ZNF585B: variants seen among roughly 807,000 people sequenced by gnomAD.
ZNF585B encodes the protein zinc finger protein 41-like protein.
A neutral mutation model predicts 14.0 loss-of-function variants in ZNF585B; 7 were observed. The ratio of observed to expected loss-of-function variants is 0.50; its 90% CI spans 0.28 to 0.94. The LOEUF (loss-of-function observed/expected upper bound fraction) is 0.94, where lower values mean the gene tolerates loss of function less well. ZNF585B is among the 40% of genes least tolerant of loss of function. ZNF585B has a pLI of 0.09. For synonymous variants in ZNF585B, 290 were observed against 317.3 expected (o/e 0.91, Z 0.91); for missense variants, 750 against 924.4 (o/e 0.81, Z 2.45).
At chr19:37,192,855 G>T (rs1164602434) in intron 2 of ZNF585B, among the ~76,000 whole-genome samples, 2 of 151,022 alleles carry the variant, frequency 1.3e-5, no homozygotes, top group African/African-American at 4.9e-5. Flanking sequence ...CACAATGAGG[G>T]CCGGGCACAG....
intron 1 of ZNF585B, among the ~76,000 whole-genome samples, chr19:37,208,360 T>G (rs1185352707): frequency 6.6e-6 from 1 of 152,140 alleles, no homozygotes. Flanking sequence ...TTAAAATAAT[T>G]TTCAGACTAT....
rs772334575 is a variant in ZNF585B at position 37,186,550 on chromosome 19, G to A, written c.987C>T (p.Thr329=). ...TATTGCTGAAGACCTTCCCATATTC[G>A]GTACATATATAGGGCTTCACTCTTG... The part of the protein sequence containing the change: ...VHTRVKPYIC[T]EYGKVFSNNS... The change falls in exon 5 of 5, where the codon ACC becomes ACT. Residue 329 remains threonine (T), a synonymous_variant. Coordinates refer to ENST00000532828, the MANE Select transcript of ZNF585B (RefSeq NM_152279.4). 14 of 1,613,918 alleles carry A rather than the reference G, an allele frequency of 8.7e-6. No homozygotes were observed. The highest frequency in any genetic ancestry group is 2.2e-5 in the East Asian group (1 of 44,886).
chr19:37,208,136 C>G lies in ZNF585B; in HGVS notation c.-143-882G>C, dbSNP rs1342826148. 4.6e-5 allele frequency among the ~76,000 whole-genome samples: 7 copies of G among 152,228 alleles called. 1 individual carries two copies. In the South Asian group the frequency reaches 1.2e-3, roughly 27 times the overall value. ...TACAGGCATGCGACACCACGCCCAGCTAATTTTTGTATTTTTAGTAGAGTC... is the reference window on the plus strand; with the variant it reads ...TACAGGCATGCGACACCACGCCCAGGTAATTTTTGTATTTTTAGTAGAGTC... On this transcript the variant is annotated intron_variant, in intron 1 of 4. Coordinates refer to ENST00000532828, the MANE Select transcript of ZNF585B (RefSeq NM_152279.4).
At chr19:37,196,954 G>A (rs1030237358) in intron 2 of ZNF585B, among the ~76,000 whole-genome samples, 2 of 152,122 alleles carry the variant, frequency 1.3e-5, no homozygotes, top group Non-Finnish European at 1.5e-5. Flanking sequence ...AAGGACAACT[G>A]TGCTTAGTAT....
rs890148390 is a variant in ZNF585B at position 37,191,394 on chromosome 19, G to T, written c.73-1244C>A. Among the ~76,000 whole-genome samples the T allele has an allele frequency of 8.5e-5, 13 of 152,234 alleles. No individual in the cohort carries two copies. The East Asian group carries it at 2.1e-3, about 25-fold the overall frequency. ...GCACTTTGGGAGGCCAAGGTAGGTA[G>T]ATCACCTGAGGTTTGGAGTTCGAGA... On this transcript the variant is annotated intron_variant, in intron 2 of 4. Coordinates refer to ENST00000532828, the MANE Select transcript of ZNF585B (RefSeq NM_152279.4).
In ZNF585B at chr19:37,185,606, C is replaced by T. The variant is rs781141589; in HGVS notation, c.1931G>A (p.Ser644Asn). The change falls in exon 5 of 5, where the codon AGT (serine) becomes AAT (asparagine). Residue 644 changes from serine to asparagine, a missense_variant. This residue lies in a region of ZNF585B where 233 missense variants were observed against 354.1 expected (regional missense o/e 0.66). Transcript: ENST00000532828. ...YVCAECGKAFSGRSNLSKHQK... is the reference protein window; with the variant it reads ...YVCAECGKAFNGRSNLSKHQK... ...GTGCTTACTGAGATTTGACCTGCCA[C>T]TAAAGGCTTTCCCACACTCGGCACA... 3.7e-6 allele frequency: 6 copies of T among 1,613,956 alleles called. No homozygotes were observed. Among genetic ancestry groups the T allele is most frequent in the Non-Finnish European group, 5.1e-6 (6 of 1,180,016 alleles).
At chr19:37,208,031 GAC>G (rs1972605104) in intron 1 of ZNF585B, among the ~76,000 whole-genome samples, 1 of 152,054 alleles carries the variant, frequency 6.6e-6, no homozygotes, top group African/African-American at 2.4e-5. Flanking sequence ...GGAGTGCAGT[GAC>G]ACAACCTCAT....
chr19:37,185,924 T>C lies in ZNF585B; in HGVS notation c.1613A>G (p.Asn538Ser). ...TCCAGTGTGAATTTTCTGATGTATA[T>C]TAAGATTTGACTTCTGAGTAAAGGC... The part of the protein sequence containing the change: ...GKAFTQKSNL[N>S]IHQKIHTGER... Residue 538 changes from asparagine (N) to serine (S), a missense_variant, in exon 5 of 5, where the codon AAT becomes AGT. Physicochemically the swap from Asn to Ser is conservative, Grantham distance 46. Coordinates refer to ENST00000532828, the MANE Select transcript of ZNF585B (RefSeq NM_152279.4). 1 of 1,614,052 alleles carries C rather than the reference T, an allele frequency of 6.2e-7. No homozygotes were observed. Among genetic ancestry groups the C allele is most frequent in the Non-Finnish European group, 8.5e-7 (1 of 1,180,014 alleles).
intron 2 of ZNF585B, among the ~76,000 whole-genome samples, chr19:37,202,639 G>GTTTTTT (rs1555779551): frequency 7.0e-6 from 1 of 142,174 alleles, no homozygotes; most frequent in African/African-American, 2.6e-5. Flanking sequence ...ATATTTGCAT[G>GTTTTTT]GTTTTTTTTT....
Position 37,198,070 on chromosome 19 carries a change from A to T in ZNF585B, c.73-7920T>A, listed in dbSNP as rs375828836. 6.6e-5 allele frequency among the ~76,000 whole-genome samples: 10 copies of T among 152,356 alleles called. No individual in the cohort carries two copies. The East Asian group carries it at 1.3e-3, about 21-fold the overall frequency. On this transcript the variant is annotated intron_variant, in intron 2 of 4. Transcript: ENST00000532828. ...TTAAATTTTGTATATGTTGAGATTT[A>T]GCTGACAGGATATATACGAGGGTGT...
Position 37,187,086 on chromosome 19 carries a change from CT to C in ZNF585B, c.450del (p.Val151PhefsTer31). The C allele has an allele frequency of 6.2e-7, 1 of 1,614,034 alleles. No individual in the cohort carries two copies. Among genetic ancestry groups the C allele is most frequent in the Non-Finnish European group, 8.5e-7 (1 of 1,179,996 alleles). On this transcript the variant is annotated frameshift_variant, in exon 5 of 5. Transcript: ENST00000532828. LOFTEE classifies it low-confidence loss of function (END_TRUNC). The part of the protein sequence containing the change: ...TWKSQFKVHL[K>X]VPTGEKLYVC... ...ACATAGAGTTTTTCTCCTGTAGGAA[CT>C]TTCAGATGTACCTTGAACTGTGACT... is the stretch of plus-strand genomic sequence containing the variant.
intron 4 of ZNF585B, 64 bp from the exon 5 acceptor site, chr19:37,187,308 C>T: frequency 8.1e-7 from 1 of 1,228,414 alleles, no homozygotes; most frequent in Non-Finnish European, 1.1e-6. Flanking sequence ...CTCTTCTTAA[C>T]ATTCTTTGAA....
chr19:37,187,356 G>T, intron 4 of ZNF585B, 112 bp from the exon 5 acceptor site: 1 of 787,174 alleles, frequency 1.3e-6, no homozygotes, highest in African/African-American at 2.2e-5. Flanking sequence ...TCTAAATTAT[G>T]CTTCAAGCCA....
At chr19:37,207,316 C>A in intron 1 of ZNF585B, 62 bp from the exon 2 acceptor site, 1 of 1,300,012 alleles carries the variant, frequency 7.7e-7, no homozygotes, top group Non-Finnish European at 1.0e-6. Flanking sequence ...CCTGGATACA[C>A]CAAGGTGCAG....
intron 2 of ZNF585B, among the ~76,000 whole-genome samples, chr19:37,202,639 G>GTTT (rs1555779551): frequency 7.0e-6 from 1 of 142,172 alleles, no homozygotes; most frequent in African/African-American, 2.6e-5. Flanking sequence ...ATATTTGCAT[G>GTTT]GTTTTTTTTT....
intron 2 of ZNF585B, among the ~76,000 whole-genome samples, chr19:37,190,816 G>A (rs773178452): frequency 2.0e-5 from 3 of 151,954 alleles, no homozygotes; most frequent in Non-Finnish European, 2.9e-5. Context: ...TTCCCGCCTC[G>A]GCTTCCCAAA....
rs139535450 is a variant in ZNF585B at position 37,190,170 on chromosome 19, T to G, written c.73-20A>C. On this transcript the variant is annotated intron_variant, in intron 2 of 4. Coordinates refer to ENST00000532828, the MANE Select transcript of ZNF585B (RefSeq NM_152279.4). ...TGATCCCTGTAAGGGCACATTCCTGTTCAATGTGCATAGTCAGCTTTGCAC... is the reference window on the plus strand; with the variant it reads ...TGATCCCTGTAAGGGCACATTCCTGGTCAATGTGCATAGTCAGCTTTGCAC... The G allele has an allele frequency of 4.3e-6, 7 of 1,614,080 alleles. No individual in the cohort carries two copies. The African/African-American group carries it at 5.3e-5, about 12-fold the overall frequency.
chr19:37,184,749 C>T lies in ZNF585B; in HGVS notation c.*478G>A, dbSNP rs1039944577. Reference sequence around the variant, plus strand: ...GGAATTGGATATGCACAACTGTGTTCGATTCAAAAGAAGAAAATACCCACA... The same window carrying T: ...GGAATTGGATATGCACAACTGTGTTTGATTCAAAAGAAGAAAATACCCACA... On this transcript the variant is annotated 3_prime_UTR_variant, in exon 5 of 5. Coordinates refer to ENST00000532828, the MANE Select transcript of ZNF585B (RefSeq NM_152279.4). 1.4e-5 allele frequency: 5 copies of T among 362,880 alleles called. No homozygotes were observed. Among genetic ancestry groups the T allele is most frequent in the African/African-American group, 6.3e-5 (3 of 47,848 alleles). The allele number at this position is 362,880 out of a possible 1,614,324, so 22.5% of individuals were successfully genotyped here. A position where few individuals can be genotyped will look rare whatever the true frequency, so the allele number is the denominator to read the frequency against.
At position 37,184,428 on chromosome 19, in the gene ZNF585B, A is replaced by AAGAAAGAAAGAAAGAG. The variant is rs59685400; in HGVS notation, c.*798_*799insCTCTTTCTTTCTTTCT. On this transcript the variant is annotated 3_prime_UTR_variant, in exon 5 of 5. Transcript: ENST00000532828. ...AGAAAGAAAGAAAGAGAAAGAAAGA[A>AAGAAAGAAAGAAAGAG]AAAGAAAGAAAGAAGGAAAGAAAGA... 1 of 52,436 alleles carries AAGAAAGAAAGAAAGAG rather than the reference A, an allele frequency of 1.9e-5. No individual in the cohort carries two copies. Among genetic ancestry groups the AAGAAAGAAAGAAAGAG allele is most frequent in the African/African-American group, 1.0e-4 (1 of 9,856 alleles). 3.2% of individuals were successfully genotyped at this position (52,436 alleles called of 1,614,324 possible).
Sources: gnomAD v4.1 joint callset for allele counts (sites outside exome capture counted in the v4.1 genomes callset) on GRCh38, gnomAD v4.1.1 for gene constraint, gnomAD v4.1.1 regional missense constraint, MANE v1.5 for transcripts, NCBI Gene and HGNC (gene_info 2026-07-23, HGNC 2026-07-21) for gene names.